Variants in KDM3A observed in about 807,000 individuals in gnomAD.
KDM3A encodes the protein lysine-specific demethylase 3A.
A neutral mutation model predicts 158.0 loss-of-function variants in KDM3A; 60 were observed. The observed-to-expected ratio is 0.38, with a 90% CI of 0.31 to 0.47. KDM3A has a LOEUF of 0.47. Among genes scored for constraint, KDM3A ranks in the 20% least tolerant of loss-of-function variants. The probability of loss-of-function intolerance (pLI) is 0.99; values close to 1 mark genes in which losing one functional copy is unlikely to be tolerated. For synonymous variants in KDM3A, 608 were observed against 549.3 expected, an observed-to-expected ratio of 1.11 and a Z score of -1.49; for missense variants, 1,319 against 1,574.3, an observed-to-expected ratio of 0.84 and a Z score of 2.74.
intron 23 of KDM3A, chr2:86,490,665 T>C (rs1291893586): frequency 2.1e-6 from 1 of 475,160 alleles, no homozygotes; most frequent in East Asian, 3.4e-5. Context: ...CTGTCAGTCA[T>C]GGTTTATGGG....
chr2:86,479,390 T>C (rs1262933087), intron 15 of KDM3A: 1 of 152,228 alleles, frequency 6.6e-6, no homozygotes, highest in Admixed American at 6.5e-5. Flanking sequence ...ACTTGTAATA[T>C]TTGGAGTCAG....
At chr2:86,439,694 C>T (rs1002742440), upstream of KDM3A, among the ~76,000 whole-genome samples, 10 of 152,034 alleles carry the variant, frequency 6.6e-5, no homozygotes, top group Admixed American at 2.0e-4. Flanking sequence ...AACAAATTGT[C>T]AAATTTGTAA....
At chr2:86,463,201 G>A (rs1310257487) in intron 8 of KDM3A, among the ~76,000 whole-genome samples, 1 of 152,088 alleles carries the variant, frequency 6.6e-6, no homozygotes, top group Non-Finnish European at 1.5e-5. Context: ...TAGATTTGGT[G>A]GTAAGGCAAG....
At chr2:86,472,206 C>T (rs1558621477) in intron 11 of KDM3A, among the ~76,000 whole-genome samples, 1 of 150,750 alleles carries the variant, frequency 6.6e-6, no homozygotes, top group Non-Finnish European at 1.5e-5. Flanking sequence ...GTCTAGAAGT[C>T]ATTGACTTTA....
chr2:86,457,888 A>T (rs1258281292), intron 8 of KDM3A, among the ~76,000 whole-genome samples: 8 of 152,214 alleles, frequency 5.3e-5, no homozygotes, highest in Non-Finnish European at 7.4e-5. Flanking sequence ...ATTTAATTCT[A>T]TTCTGAAATA....
chr2:86,492,214 T>G lies in KDM3A; in HGVS notation c.*95T>G. ...TGAGATTCATGTTACCTCATCTTCT[T>G]TTTTAAACTGTACCCAACTTGTGAG... On this transcript the variant is annotated 3_prime_UTR_variant, in exon 26 of 26. Transcript: ENST00000312912. 1 of 885,274 alleles carries G rather than the reference T, an allele frequency of 1.1e-6. No individual in the cohort carries two copies. The highest frequency in any genetic ancestry group is 1.8e-6 in the Non-Finnish European group (1 of 543,204). The allele number at this position is 885,274 out of a possible 1,614,324, so 54.8% of individuals were successfully genotyped here. A position where few individuals can be genotyped will look rare whatever the true frequency, so the allele number is the denominator to read the frequency against.
At chr2:86,476,092 C>T (rs1023344259) in intron 12 of KDM3A, among the ~76,000 whole-genome samples, 2 of 152,146 alleles carry the variant, frequency 1.3e-5, no homozygotes, top group Non-Finnish European at 2.9e-5. Context: ...TACTTTTCCC[C>T]CTGTAGTCTG....
intron 4 of KDM3A, among the ~76,000 whole-genome samples, chr2:86,452,475 C>T (rs1672510603): frequency 6.6e-6 from 1 of 152,054 alleles, no homozygotes; most frequent in Admixed American, 6.6e-5. Flanking sequence ...CCCCTAGGAG[C>T]AATGGTTCAG....
intron 12 of KDM3A, among the ~76,000 whole-genome samples, chr2:86,477,152 C>T (rs1249605477): frequency 6.6e-6 from 1 of 152,232 alleles, no homozygotes; most frequent in Non-Finnish European, 1.5e-5. Flanking sequence ...GTCTTGGCCA[C>T]TGGAACAGAA....
At position 86,492,296 on chromosome 2, in the gene KDM3A, G is replaced by GTAAC. The variant is rs1674497755; in HGVS notation, c.*180_*183dup. On this transcript the variant is annotated 3_prime_UTR_variant, in exon 26 of 26. Coordinates refer to ENST00000312912, the MANE Select transcript of KDM3A (RefSeq NM_018433.6). ...TACAGACAGTAAATGTGTATATGTA[G>GTAAC]TAACTATTTACAGAACATGCATCCT... 1.9e-6 allele frequency: 1 copy of GTAAC among 538,644 alleles called. No individual in the cohort carries two copies. The highest frequency in any genetic ancestry group is 3.0e-5 in the East Asian group (1 of 33,832). 33.4% of individuals were successfully genotyped at this position (538,644 alleles called of 1,614,324 possible). A position where few individuals can be genotyped will look rare whatever the true frequency, so the allele number is the denominator to read the frequency against.
chr2:86,467,864 T>A (rs1030484368), intron 10 of KDM3A, among the ~76,000 whole-genome samples: 1 of 151,794 alleles, frequency 6.6e-6, no homozygotes, highest in Admixed American at 6.6e-5. Context: ...CCACAAAAAA[T>A]TTTTTTAAAA....
chr2:86,477,814 T>C, intron 12 of KDM3A, 63 bp from the exon 13 acceptor site: 1 of 1,490,156 alleles, frequency 6.7e-7, no homozygotes, highest in Non-Finnish European at 9.1e-7. Context: ...AACCCCTACC[T>C]TTCGTTTTTG....
chr2:86,457,920 A>G (rs1285271551), intron 8 of KDM3A, among the ~76,000 whole-genome samples: 3 of 152,138 alleles, frequency 2.0e-5, no homozygotes, highest in Non-Finnish European at 4.4e-5. Flanking sequence ...GACCGAGACT[A>G]TTTCTCTTTT....
chr2:86,462,910 C>T (rs143857740), intron 8 of KDM3A, among the ~76,000 whole-genome samples: 24 of 152,100 alleles, frequency 1.6e-4, no homozygotes, highest in Non-Finnish European at 3.4e-4. Flanking sequence ...CTTAACATAG[C>T]AAAATCCTGT....
chr2:86,442,326 AGACC>A, intron 2 of KDM3A, 93 bp downstream of exon 2: 5 of 1,231,446 alleles, frequency 4.1e-6, no homozygotes, highest in African/African-American at 1.5e-5. Context: ...CTGAAAACGG[AGACC>A]AGAAAGTTGG....
At chr2:86,463,048 G>A (rs999772003) in intron 8 of KDM3A, among the ~76,000 whole-genome samples, 1 of 152,146 alleles carries the variant, frequency 6.6e-6, no homozygotes, top group Non-Finnish European at 1.5e-5. Flanking sequence ...CCAAGATGGC[G>A]CTGCTGCACT....
chr2:86,484,837 G>A, intron 19 of KDM3A, 105 bp from the exon 20 acceptor site: 1 of 618,266 alleles, frequency 1.6e-6, no homozygotes. Flanking sequence ...ATTTTGCAGA[G>A]ACATATTTTA....
chr2:86,444,062 C>T (rs1401008892), intron 2 of KDM3A, among the ~76,000 whole-genome samples: 1 of 152,168 alleles, frequency 6.6e-6, no homozygotes, highest in Non-Finnish European at 1.5e-5. Flanking sequence ...AATTGAGGAC[C>T]TGTTGGGTTA....
chr2:86,446,675 A>G (rs771062370), intron 2 of KDM3A, among the ~76,000 whole-genome samples: 2 of 152,074 alleles, frequency 1.3e-5, no homozygotes, highest in Non-Finnish European at 2.9e-5. Flanking sequence ...GCGCCACTAC[A>G]CTCCAGCTTG....
Sources: gnomAD v4.1 joint callset for allele counts (sites outside exome capture counted in the v4.1 genomes callset) on GRCh38, gnomAD v4.1.1 for gene constraint, MANE v1.5 for transcripts, NCBI Gene and HGNC (gene_info 2026-07-23, HGNC 2026-07-21) for gene names.